The following YIPF1 variants were observed in gnomAD, a reference collection of about 807,000 sequenced individuals.
YIPF1 encodes Yip1 domain family member 1.
A neutral mutation model predicts 37.0 loss-of-function variants in YIPF1; 22 were observed. That is an observed-to-expected ratio of 0.59 (90% CI 0.42 to 0.85). The LOEUF is 0.85. Ranked by LOEUF, YIPF1 falls within the 40% of genes least tolerant of loss-of-function variation. The pLI is 0.00. For missense variants in YIPF1, 355 were observed against 373.1 expected (o/e 0.95, Z 0.40); for synonymous variants, 128 against 131.9 (o/e 0.97, Z 0.21).
intron 6 of YIPF1, among the ~76,000 whole-genome samples, chr1:53,872,102 C>A (rs1650208124): frequency 1.3e-5 from 2 of 150,284 alleles, no homozygotes; most frequent in Admixed American, 6.7e-5. Context: ...TGTCTACCCA[C>A]AAAAATTAAA....
At position 53,871,502 on chromosome 1, in the gene YIPF1, C is replaced by T; in HGVS notation, c.365-14G>A. ...TCCAAAAGGGGCCTGCAAAGGAAAC[C>T]AGAAAATTCAGAAACAAGAAAATGA... On this transcript the variant is annotated splice_polypyrimidine_tract_variant and intron_variant, in intron 6 of 10. Coordinates refer to ENST00000072644, the MANE Select transcript of YIPF1 (RefSeq NM_018982.5). The T allele has an allele frequency of 6.3e-7, 1 of 1,581,398 alleles. No homozygotes were observed. The highest frequency in any genetic ancestry group is 8.7e-7 in the Non-Finnish European group (1 of 1,153,298).
At chr1:53,863,771 G>A (rs577987900) in intron 9 of YIPF1, among the ~76,000 whole-genome samples, 14 of 151,982 alleles carry the variant, frequency 9.2e-5, no homozygotes, top group East Asian at 5.8e-4. Flanking sequence ...ATGAAGTCTC[G>A]ATCTGTCACC....
chr1:53,866,158 G>A (rs1650015379), intron 9 of YIPF1, 42 bp downstream of exon 9: 14 of 1,589,540 alleles, frequency 8.8e-6, no homozygotes, highest in South Asian at 1.1e-5. Flanking sequence ...TTTAGCATTT[G>A]GATATAAAAC....
At position 53,858,950 on chromosome 1, in the gene YIPF1, A is replaced by G. The variant is rs987114860; in HGVS notation, c.*8+1106T>C. Among the ~76,000 whole-genome samples the G allele has an allele frequency of 2.0e-5, 3 of 152,224 alleles. No individual in the cohort carries two copies. The East Asian group carries it at 5.8e-4, about 29-fold the overall frequency. On this transcript the variant is annotated intron_variant, in intron 10 of 10. Coordinates refer to ENST00000072644, the MANE Select transcript of YIPF1 (RefSeq NM_018982.5). Reference sequence around the variant, plus strand: ...CATAGCTGACCTGGGATTTAATTGTAATTTTATTTAATTCTAAGCCCCTGG... The same window carrying G: ...CATAGCTGACCTGGGATTTAATTGTGATTTTATTTAATTCTAAGCCCCTGG...
At chr1:53,854,437 C>T (rs1419115606) in intron 10 of YIPF1, among the ~76,000 whole-genome samples, 2 of 152,148 alleles carry the variant, frequency 1.3e-5, no homozygotes, top group African/African-American at 4.8e-5. Context: ...TGAAGATTGC[C>T]TCTACCACCT....
intron 10 of YIPF1, chr1:53,855,045 G>C (rs892396980): frequency 6.6e-6 from 1 of 151,650 alleles, no homozygotes; most frequent in East Asian, 1.9e-4. Context: ...GGTATCTCAA[G>C]TGAGTCCTGA....
At chr1:53,874,606 A>G (rs972896541) in intron 6 of YIPF1, among the ~76,000 whole-genome samples, 2 of 152,010 alleles carry the variant, frequency 1.3e-5, no homozygotes, top group Admixed American at 1.3e-4. Context: ...GTCTCTACTA[A>G]AAATACAAAA....
chr1:53,853,061 T>C (rs770968049), intron 10 of YIPF1, among the ~76,000 whole-genome samples: 20 of 152,182 alleles, frequency 1.3e-4, no homozygotes, highest in Non-Finnish European at 2.2e-4. Flanking sequence ...GGGGGGAATC[T>C]ACAATCTACC....
At chr1:53,852,873 G>A (rs758454748) in intron 10 of YIPF1, among the ~76,000 whole-genome samples, 3 of 152,194 alleles carry the variant, frequency 2.0e-5, no homozygotes, top group Non-Finnish European at 4.4e-5. Context: ...CTGTGTATAG[G>A]ATGAATTGGA....
intron 9 of YIPF1, 74 bp from the exon 10 acceptor site, chr1:53,860,227 C>G (rs1271843061): frequency 1.4e-6 from 2 of 1,415,070 alleles, no homozygotes; most frequent in East Asian, 4.7e-5. Flanking sequence ...AGACTCCATG[C>G]TAACAGTACT....
At chr1:53,867,434 G>A (rs540764439) in intron 7 of YIPF1, among the ~76,000 whole-genome samples, 15 of 145,022 alleles carry the variant, frequency 1.0e-4, no homozygotes, top group Non-Finnish European at 2.1e-4. Context: ...GTGCAGTGGC[G>A]CGATCTAGGC....
rs1206885835 is a variant in YIPF1, at chr1:53,870,176, T to C, written c.481+1196A>G. 7.6e-5 allele frequency among the ~76,000 whole-genome samples: 10 copies of C among 131,412 alleles called. 1 individual carries two copies. The highest frequency in any genetic ancestry group is 2.9e-4 in the African/African-American group (10 of 33,904). 86.2% of individuals were successfully genotyped at this position (131,412 alleles called of 152,430 possible). ...ACCGGGTCTCTTTTTTTTTTTTTTT[T>C]TTTTTTTTTTTTTGAGACAGTGACT... is the stretch of plus-strand genomic sequence containing the variant. On this transcript the variant is annotated intron_variant, in intron 7 of 10. Coordinates refer to ENST00000072644, the MANE Select transcript of YIPF1 (RefSeq NM_018982.5).
chr1:53,875,544 T>A (rs1420914863), intron 6 of YIPF1, among the ~76,000 whole-genome samples: 1 of 152,192 alleles, frequency 6.6e-6, no homozygotes, highest in Non-Finnish European at 1.5e-5. Flanking sequence ...GTTACTCGTC[T>A]GTCCAAACTC....
chr1:53,857,614 C>A (rs1274512941), intron 10 of YIPF1, among the ~76,000 whole-genome samples: 1 of 152,160 alleles, frequency 6.6e-6, no homozygotes, highest in Non-Finnish European at 1.5e-5. Flanking sequence ...TTTACTCAGC[C>A]CAGCCTTCTC....
chr1:53,869,936 G>C (rs996257599), intron 7 of YIPF1, among the ~76,000 whole-genome samples: 2 of 144,122 alleles, frequency 1.4e-5, no homozygotes, highest in African/African-American at 5.1e-5. Context: ...GCAGTAGCGT[G>C]ATCTCGGCTC....
intron 7 of YIPF1, among the ~76,000 whole-genome samples, 182 bp from the exon 8 acceptor site, chr1:53,867,106 T>G (rs1650050774): frequency 6.6e-6 from 1 of 152,218 alleles, no homozygotes; most frequent in South Asian, 2.1e-4. Context: ...CAGTAGGCAC[T>G]TTAGAAATGT....
chr1:53,868,135 G>C (rs114273733), intron 7 of YIPF1, among the ~76,000 whole-genome samples: 1,665 of 152,320 alleles, frequency 0.011, 16 homozygotes, highest in Middle Eastern at 0.02. Flanking sequence ...TTTCACACTG[G>C]GAATTGCCTC....
At chr1:53,869,148 TCTCTCTCTCTCTCACA>T (rs1334134540) in intron 7 of YIPF1, among the ~76,000 whole-genome samples, 1 of 126,970 alleles carries the variant, frequency 7.9e-6, no homozygotes, top group Non-Finnish European at 1.6e-5. Context: ...TCTCTCTCTC[TCTCTCTCTCTCTCACA>T]CACACACACA....
In YIPF1 at chr1:53,854,243, C is replaced by G. The variant is rs184922312; in HGVS notation, c.*9-1973G>C. Among the ~76,000 whole-genome samples the G allele has an allele frequency of 3.3e-5, 4 of 120,198 alleles. No individual in the cohort carries two copies. The East Asian group carries it at 9.9e-4, about 30-fold the overall frequency. 78.9% of individuals were successfully genotyped at this position (120,198 alleles called of 152,430 possible). A position where few individuals can be genotyped will look rare whatever the true frequency, so the allele number is the denominator to read the frequency against. The stretch of plus-strand genomic sequence containing the variant: ...CTCCAGCTTGGGCAACAGAGTGAGA[C>G]TCTGTCTGAAAAAAAAGAAAAAAAA... On this transcript the variant is annotated intron_variant, in intron 10 of 10. Coordinates refer to ENST00000072644, the MANE Select transcript of YIPF1 (RefSeq NM_018982.5).
Sources: allele counts gnomAD v4.1 joint callset (sites outside exome capture counted in the v4.1 genomes callset), GRCh38; gene constraint gnomAD v4.1.1; transcripts MANE v1.5; gene names NCBI Gene and HGNC (gene_info 2026-07-23, HGNC 2026-07-21).